Variants in ANKIB1 observed in about 807,000 individuals in gnomAD.
The protein encoded by ANKIB1 is ankyrin repeat and IBR domain containing 1.
In ANKIB1, 43 loss-of-function variants were observed where a neutral mutation model predicts 122.1. The observed-to-expected ratio is 0.35, with a 90% CI of 0.28 to 0.45. ANKIB1 has a LOEUF of 0.45. Among genes scored for constraint, ANKIB1 ranks in the 20% least tolerant of loss-of-function variants. The pLI, the probability that ANKIB1 is intolerant of heterozygous loss-of-function variation, is 1.00. For missense variants in ANKIB1, 992 were observed against 1,329.5 expected (o/e 0.75, Z 3.95); for synonymous variants, 390 against 442.0 (o/e 0.88, Z 1.48).
intron 9 of ANKIB1, among the ~76,000 whole-genome samples, chr7:92,354,632 A>AT (rs973454083): frequency 2.6e-5 from 4 of 151,880 alleles, no homozygotes; most frequent in African/African-American, 7.2e-5. Flanking sequence ...TATAGGATGG[A>AT]TTTTTTTTGC....
At chr7:92,350,512 T>G (rs1423433450) in intron 7 of ANKIB1, among the ~76,000 whole-genome samples, 2 of 152,168 alleles carry the variant, frequency 1.3e-5, no homozygotes, top group African/African-American at 2.4e-5. Context: ...CAATTGCTGT[T>G]TCACACTTTT....
At chr7:92,346,350 C>T (rs986970553) in intron 7 of ANKIB1, among the ~76,000 whole-genome samples, 1 of 152,096 alleles carries the variant, frequency 6.6e-6, no homozygotes, top group African/African-American at 2.4e-5. Context: ...AATCTGGTCT[C>T]GAACTCCTGA....
chr7:92,317,882 A>G (rs542465674), intron 3 of ANKIB1, among the ~76,000 whole-genome samples: 2 of 152,264 alleles, frequency 1.3e-5, no homozygotes, highest in Non-Finnish European at 2.9e-5. Context: ...ATCTCTAAAA[A>G]GTGTTAACAT....
At chr7:92,326,045 A>C in intron 4 of ANKIB1, 1 of 387,714 alleles carries the variant, frequency 2.6e-6, no homozygotes, top group Non-Finnish European at 5.1e-6. Flanking sequence ...GAAGAAAAGT[A>C]GTGCCCACTT....
chr7:92,358,030 C>G (rs1487509231), intron 9 of ANKIB1, among the ~76,000 whole-genome samples: 1 of 152,254 alleles, frequency 6.6e-6, no homozygotes, highest in Admixed American at 6.5e-5. Flanking sequence ...ATCACAAGGT[C>G]AGGAGTTCAA....
At chr7:92,249,302 C>G (rs1801270323) in intron 1 of ANKIB1, among the ~76,000 whole-genome samples, 1 of 152,196 alleles carries the variant, frequency 6.6e-6, no homozygotes, top group Non-Finnish European at 1.5e-5. Context: ...GTCAAGGTTC[C>G]TTTCCTCATT....
intron 1 of ANKIB1, among the ~76,000 whole-genome samples, chr7:92,269,739 C>G (rs946112495): frequency 6.6e-6 from 1 of 151,974 alleles, no homozygotes; most frequent in South Asian, 2.1e-4. Context: ...TTCCCTATAA[C>G]TGAAAGTGTT....
chr7:92,286,342 G>A (rs1179786690), intron 1 of ANKIB1, among the ~76,000 whole-genome samples: 1 of 152,064 alleles, frequency 6.6e-6, no homozygotes, highest in Non-Finnish European at 1.5e-5. Flanking sequence ...TTTGAGTTAC[G>A]AGATTGCATA....
intron 5 of ANKIB1, among the ~76,000 whole-genome samples, chr7:92,328,351 C>T (rs1455703565): frequency 6.6e-6 from 1 of 152,118 alleles, no homozygotes; most frequent in Non-Finnish European, 1.5e-5. Flanking sequence ...TATTTCTCCC[C>T]ATGAAGTGCA....
intron 1 of ANKIB1, among the ~76,000 whole-genome samples, chr7:92,251,886 A>G (rs929300920): frequency 2.0e-5 from 3 of 152,232 alleles, no homozygotes; most frequent in Non-Finnish European, 2.9e-5. Context: ...CTGGCGCAGG[A>G]TCCTATCCAG....
At chr7:92,258,939 GT>G (rs970044142) in intron 1 of ANKIB1, among the ~76,000 whole-genome samples, 4 of 151,410 alleles carry the variant, frequency 2.6e-5, no homozygotes, top group African/African-American at 7.3e-5. Flanking sequence ...GTTTTTTGGA[GT>G]TTTTTTTGTT....
At chr7:92,377,215 T>C (rs1013295510) in intron 11 of ANKIB1, among the ~76,000 whole-genome samples, 8 of 152,128 alleles carry the variant, frequency 5.3e-5, no homozygotes, top group Middle Eastern at 3.2e-3. Flanking sequence ...GGGTTCTTAA[T>C]TGAACTACTT....
chr7:92,267,647 T>C (rs1288798995), intron 1 of ANKIB1, among the ~76,000 whole-genome samples: 1 of 152,232 alleles, frequency 6.6e-6, no homozygotes, highest in African/African-American at 2.4e-5. Context: ...CTTTCACATA[T>C]ACATCTGCAG....
chr7:92,249,403 G>A lies in ANKIB1; in HGVS notation c.-91+2884G>A, dbSNP rs111455045. Among the ~76,000 whole-genome samples the A allele has an allele frequency of 3.3e-5, 5 of 152,284 alleles. 1 individual carries two copies. Among genetic ancestry groups the A allele is most frequent in the African/African-American group, 1.2e-4 (5 of 41,546 alleles). ...GGTTTTTAAGCCACTTGACCCTGTT[G>A]CAAGGTTGTTTCATATCCTGTGTAT... On this transcript the variant is annotated intron_variant, in intron 1 of 19. Transcript: ENST00000265742.
intron 3 of ANKIB1, among the ~76,000 whole-genome samples, chr7:92,311,864 T>C (rs941330290): frequency 6.6e-6 from 1 of 152,164 alleles, no homozygotes; most frequent in African/African-American, 2.4e-5. Flanking sequence ...ATCTGACTTC[T>C]CTGAACTTCA....
At chr7:92,298,019 G>A (rs574104508) in intron 2 of ANKIB1, among the ~76,000 whole-genome samples, 1 of 152,082 alleles carries the variant, frequency 6.6e-6, no homozygotes, top group South Asian at 2.1e-4. Context: ...CTCTGTTTCT[G>A]CCTTCTTTGT....
intron 3 of ANKIB1, among the ~76,000 whole-genome samples, chr7:92,309,915 AC>A (rs1802649098): frequency 7.8e-6 from 1 of 128,786 alleles, no homozygotes; most frequent in Admixed American, 8.0e-5. Flanking sequence ...ACAGAGCGAG[AC>A]TCCATCTAAA....
intron 10 of ANKIB1, among the ~76,000 whole-genome samples, chr7:92,362,887 G>A (rs1277495874): frequency 6.6e-6 from 1 of 151,564 alleles, no homozygotes; most frequent in Non-Finnish European, 1.5e-5. Flanking sequence ...GAACAGAATG[G>A]GTTTGAATCT....
intron 1 of ANKIB1, among the ~76,000 whole-genome samples, chr7:92,265,233 A>T (rs1315837423): frequency 6.6e-6 from 1 of 152,138 alleles, no homozygotes; most frequent in African/African-American, 2.4e-5. Flanking sequence ...ACCATCTCCC[A>T]AAGCACTGGA....
Sources: allele counts gnomAD v4.1 joint callset (sites outside exome capture counted in the v4.1 genomes callset), GRCh38; gene constraint gnomAD v4.1.1; transcripts MANE v1.5; gene names NCBI Gene and HGNC (gene_info 2026-07-23, HGNC 2026-07-21).